COL21A1: variants seen among roughly 807,000 people sequenced by gnomAD.
The protein encoded by COL21A1 is collagen alpha-1(XXI) chain.
In COL21A1, 149 loss-of-function variants were observed where a neutral mutation model predicts 137.9. The ratio of observed to expected loss-of-function variants is 1.08; its 90% CI spans 0.95 to 1.24. The LOEUF is 1.24. Ranked by LOEUF, COL21A1 falls within the 50% of genes most tolerant of loss-of-function variation. The probability of loss-of-function intolerance (pLI) is 0.00; values close to 1 mark genes in which losing one functional copy is unlikely to be tolerated. For synonymous variants in COL21A1, 456 were observed against 391.5 expected (o/e 1.16, Z -1.95); for missense variants, 1,167 against 1,158.4 (o/e 1.01, Z -0.11).
rs190688649 is a variant in COL21A1, at chr6:56,100,152, A to T, written c.1812+1320T>A. On this transcript the variant is annotated intron_variant, in intron 17 of 29. Transcript: ENST00000244728. ...CCCTTCTCTGCAGATTCAGGACCTC[A>T]TTAAGATCATTTCATTATTTCCTGG... Among the ~76,000 whole-genome samples the T allele has an allele frequency of 1.8e-3, 271 of 152,344 alleles. 1 individual carries two copies. Among genetic ancestry groups the T allele is most frequent in the Non-Finnish European group, 2.9e-3 (195 of 68,032 alleles).
At chr6:56,290,122 C>T (rs12661149) in intron 1 of COL21A1, among the ~76,000 whole-genome samples, 12,237 of 152,112 alleles carry the variant, frequency 0.08, 550 homozygotes, top group Middle Eastern at 0.14. Flanking sequence ...TGTGGCGCCT[C>T]CCCTGTTGAG....
At chr6:56,329,661 G>A (rs1014095029) in intron 1 of COL21A1, among the ~76,000 whole-genome samples, 9 of 152,080 alleles carry the variant, frequency 5.9e-5, no homozygotes, top group African/African-American at 1.4e-4. Flanking sequence ...CACAAACTCC[G>A]GTCACAGGTT....
intron 1 of COL21A1, among the ~76,000 whole-genome samples, chr6:56,270,087 C>T (rs1158727210): frequency 1.3e-5 from 2 of 152,130 alleles, no homozygotes; most frequent in Non-Finnish European, 2.9e-5. Context: ...TCAATACTAC[C>T]CCTTAATGTC....
rs189316877 is a variant in COL21A1 at position 56,099,200 on chromosome 6, A to G, written c.1812+2272T>C. 9.2e-4 allele frequency among the ~76,000 whole-genome samples: 137 copies of G among 148,396 alleles called. 1 individual carries two copies. Among genetic ancestry groups the G allele is most frequent in the African/African-American group, 3.3e-3 (132 of 40,188 alleles). ...GATTCCAAATAACTAACTCACAAAC[A>G]TTTAGAACACAGTCACAAACTAAAT... On this transcript the variant is annotated intron_variant, in intron 17 of 29. Coordinates refer to ENST00000244728, the MANE Select transcript of COL21A1 (RefSeq NM_030820.4).
intron 1 of COL21A1, among the ~76,000 whole-genome samples, chr6:56,347,360 CA>C (rs1440164268): frequency 6.6e-6 from 1 of 152,064 alleles, no homozygotes; most frequent in African/African-American, 2.4e-5. Context: ...ACAAGGGAAT[CA>C]AGTCATTCCT....
intron 1 of COL21A1, among the ~76,000 whole-genome samples, chr6:56,322,258 T>C (rs1764886974): frequency 6.6e-6 from 1 of 152,032 alleles, no homozygotes; most frequent in Admixed American, 6.6e-5. Flanking sequence ...AGGGCCCAAT[T>C]CTTCTCCATA....
intron 12 of COL21A1, among the ~76,000 whole-genome samples, 194 bp downstream of exon 12, chr6:56,141,591 G>C (rs1774412807): frequency 6.6e-6 from 1 of 152,136 alleles, no homozygotes; most frequent in South Asian, 2.1e-4. Flanking sequence ...ATTTGATAGT[G>C]GTCAATGATA....
chr6:56,214,502 A>G (rs1294195757), intron 1 of COL21A1, among the ~76,000 whole-genome samples: 2 of 152,128 alleles, frequency 1.3e-5, no homozygotes, highest in Non-Finnish European at 2.9e-5. Context: ...GAGTATGGTT[A>G]TCCTCTGATT....
At chr6:56,294,017 G>A (rs1002229297) in intron 1 of COL21A1, among the ~76,000 whole-genome samples, 1 of 152,080 alleles carries the variant, frequency 6.6e-6, no homozygotes, top group Non-Finnish European at 1.5e-5. Flanking sequence ...TGAGTCAAAC[G>A]TAATTAAAAT....
At chr6:56,097,466 C>A (rs1265146512) in intron 17 of COL21A1, among the ~76,000 whole-genome samples, 2 of 151,824 alleles carry the variant, frequency 1.3e-5, no homozygotes, top group Admixed American at 6.6e-5. Flanking sequence ...ATGAGGCAGT[C>A]ACTGTGTTTC....
chr6:56,126,122 C>A lies in COL21A1; in HGVS notation c.1570G>T (p.Gly524Trp). Residue 524 changes from glycine (G) to tryptophan (W), a missense_variant, in exon 13 of 30, where the codon GGG becomes TGG. Gly to Trp is a radical substitution (Grantham distance 184). Coordinates refer to ENST00000244728, the MANE Select transcript of COL21A1 (RefSeq NM_030820.4). ...TTTGATCCTGGCATGCCATGAAGCC[C>A]AGGAAAACCAGGAAGTCCACGATCA... ...KGDRGLPGFPGLHGMPGSKGE... is the reference protein window; with the variant it reads ...KGDRGLPGFPWLHGMPGSKGE... 1 of 1,548,288 alleles carries A rather than the reference C, an allele frequency of 6.5e-7. No individual in the cohort carries two copies. Among genetic ancestry groups the A allele is most frequent in the South Asian group, 1.2e-5 (1 of 83,032 alleles).
intron 1 of COL21A1, among the ~76,000 whole-genome samples, chr6:56,228,535 T>G (rs1316506224): frequency 6.7e-6 from 1 of 150,020 alleles, no homozygotes; most frequent in East Asian, 2.0e-4. Flanking sequence ...CATCTTAGTT[T>G]TTAGAAAATT....
chr6:56,321,668 T>C (rs932673681), intron 1 of COL21A1, among the ~76,000 whole-genome samples: 25 of 152,238 alleles, frequency 1.6e-4, no homozygotes, highest in African/African-American at 6.0e-4. Context: ...CTAACAAAGG[T>C]ACAGTGCAGT....
At chr6:56,132,089 T>A (rs1030075259) in intron 12 of COL21A1, among the ~76,000 whole-genome samples, 21 of 150,788 alleles carry the variant, frequency 1.4e-4, no homozygotes, top group Admixed American at 3.3e-4. Context: ...AAATAGCTTT[T>A]TATATATATA....
chr6:56,124,388 T>A, intron 14 of COL21A1, 96 bp from the exon 15 acceptor site: 1 of 1,180,954 alleles, frequency 8.5e-7, no homozygotes, highest in Non-Finnish European at 1.2e-6. Flanking sequence ...GTTAACATCA[T>A]TATGTAGTAA....
intron 1 of COL21A1, among the ~76,000 whole-genome samples, chr6:56,264,106 T>C (rs1296131117): frequency 6.6e-6 from 1 of 152,212 alleles, no homozygotes; most frequent in African/African-American, 2.4e-5. Context: ...TTATCGTATG[T>C]CTTTATGATG....
intron 1 of COL21A1, among the ~76,000 whole-genome samples, chr6:56,373,430 C>T (rs371081125): frequency 7.1e-4 from 108 of 152,126 alleles, no homozygotes; most frequent in African/African-American, 2.2e-3. Context: ...GGTGAAACCC[C>T]GCCTCTACTA....
chr6:56,115,242 T>A (rs967091309), intron 16 of COL21A1, among the ~76,000 whole-genome samples: 3 of 150,386 alleles, frequency 2.0e-5, no homozygotes, highest in Non-Finnish European at 2.9e-5. Flanking sequence ...CACGTATACA[T>A]ATGTAACTAA....
At chr6:56,156,317 T>C (rs1775738330) in intron 10 of COL21A1, among the ~76,000 whole-genome samples, 2 of 152,228 alleles carry the variant, frequency 1.3e-5, no homozygotes, top group African/African-American at 4.8e-5. Context: ...TGACTAAACT[T>C]AGGCAGCTTT....
Sources: gnomAD v4.1 joint callset for allele counts (sites outside exome capture counted in the v4.1 genomes callset) on GRCh38, gnomAD v4.1.1 for gene constraint, MANE v1.5 for transcripts, NCBI Gene and HGNC (gene_info 2026-07-23, HGNC 2026-07-21) for gene names.